AGBL1: variants seen among roughly 807,000 people sequenced by gnomAD.
The protein encoded by AGBL1 is cytosolic carboxypeptidase 4.
A neutral mutation model predicts 118.9 loss-of-function variants in AGBL1; 130 were observed. That is an observed-to-expected ratio of 1.09 (90% CI 0.95 to 1.26). The LOEUF (loss-of-function observed/expected upper bound fraction) is 1.26, where lower values mean the gene tolerates loss of function less well. AGBL1 is among the 50% of genes most tolerant of loss of function. The pLI is 0.00. For missense variants in AGBL1, 1,584 were observed against 1,298.1 expected (o/e 1.22, Z -3.38); for synonymous variants, 555 against 478.9 (o/e 1.16, Z -2.08).
chr15:86,381,692 C>T (rs1407990021), intron 17 of AGBL1, among the ~76,000 whole-genome samples: 1 of 152,166 alleles, frequency 6.6e-6, no homozygotes, highest in South Asian at 2.1e-4. Flanking sequence ...GGGTGAAACA[C>T]GACGTAACCA....
intron 22 of AGBL1, among the ~76,000 whole-genome samples, chr15:86,742,949 G>C (rs2077701130): frequency 6.6e-6 from 1 of 152,082 alleles, no homozygotes; most frequent in Admixed American, 6.6e-5. Flanking sequence ...GATAAATTCT[G>C]TGGACGCTGT....
At chr15:86,804,929 T>C (rs895878122) in intron 22 of AGBL1, among the ~76,000 whole-genome samples, 2 of 151,948 alleles carry the variant, frequency 1.3e-5, no homozygotes, top group African/African-American at 2.4e-5. Context: ...AAAGCTAAGG[T>C]AGGAAAAGTT....
chr15:86,488,492 C>G (rs979626410), intron 18 of AGBL1, among the ~76,000 whole-genome samples: 1 of 151,966 alleles, frequency 6.6e-6, no homozygotes, highest in Non-Finnish European at 1.5e-5. Flanking sequence ...TAAGGTAGTA[C>G]CAGGACATTA....
At chr15:86,815,372 T>C (rs1055165840) in intron 22 of AGBL1, among the ~76,000 whole-genome samples, 1 of 152,338 alleles carries the variant, frequency 6.6e-6, no homozygotes, top group African/African-American at 2.4e-5. Flanking sequence ...CAATTTCTAG[T>C]GTGGTGTTGG....
At chr15:86,534,997 T>C (rs1024028190) in intron 19 of AGBL1, among the ~76,000 whole-genome samples, 1 of 152,154 alleles carries the variant, frequency 6.6e-6, no homozygotes, top group Admixed American at 6.5e-5. Flanking sequence ...ATATTCAGGA[T>C]CTGCGTTTTT....
intron 1 of AGBL1, among the ~76,000 whole-genome samples, chr15:86,126,175 A>G (rs1898417528): frequency 6.6e-6 from 1 of 151,960 alleles, no homozygotes; most frequent in African/African-American, 2.4e-5. Flanking sequence ...TAACTAATTA[A>G]TTTTATAACC....
At chr15:86,273,582 C>T (rs1039117) in intron 15 of AGBL1, among the ~76,000 whole-genome samples, 110,830 of 152,128 alleles carry the variant, frequency 0.73, 41,300 homozygotes, top group African/African-American at 0.88. Context: ...ATATCTCTCT[C>T]CCTATTTACC....
At chr15:86,387,537 G>C (rs992114019) in intron 17 of AGBL1, among the ~76,000 whole-genome samples, 1 of 152,178 alleles carries the variant, frequency 6.6e-6, no homozygotes, top group African/African-American at 2.4e-5. Flanking sequence ...ATATGTTTGA[G>C]AGAGAAGGAA....
At chr15:86,360,761 T>C (rs1317405775) in intron 17 of AGBL1, among the ~76,000 whole-genome samples, 1 of 151,972 alleles carries the variant, frequency 6.6e-6, no homozygotes, top group Non-Finnish European at 1.5e-5. Flanking sequence ...ATTAATTTAG[T>C]TTTGGTAGGT....
At chr15:86,166,760 A>C (rs189279067) in intron 5 of AGBL1, among the ~76,000 whole-genome samples, 1 of 152,260 alleles carries the variant, frequency 6.6e-6, no homozygotes, top group East Asian at 1.9e-4. Context: ...CTGGACAGTG[A>C]GAAGGGTGCT....
At chr15:86,433,069 A>C (rs1398503804) in intron 18 of AGBL1, among the ~76,000 whole-genome samples, 1 of 152,160 alleles carries the variant, frequency 6.6e-6, no homozygotes, top group African/African-American at 2.4e-5. Context: ...TGCTCAAGCC[A>C]GGGCAAGTCT....
chr15:86,516,535 G>A (rs2083123042), intron 18 of AGBL1, among the ~76,000 whole-genome samples: 1 of 152,174 alleles, frequency 6.6e-6, no homozygotes, highest in Non-Finnish European at 1.5e-5. Context: ...TGCGGTGGCT[G>A]ACGCCTGTCA....
chr15:86,223,332 C>T (rs1567137335), intron 5 of AGBL1, among the ~76,000 whole-genome samples: 1 of 152,102 alleles, frequency 6.6e-6, no homozygotes, highest in Non-Finnish European at 1.5e-5. Context: ...TTATTCTATT[C>T]CTGTTTCTGT....
intron 17 of AGBL1, among the ~76,000 whole-genome samples, chr15:86,349,767 T>A (rs2080596824): frequency 6.6e-6 from 1 of 152,186 alleles, no homozygotes; most frequent in Non-Finnish European, 1.5e-5. Context: ...GTAAATCCTG[T>A]CAACTCAGCA....
At chr15:86,865,304 AT>A (rs1175411238) in intron 22 of AGBL1, among the ~76,000 whole-genome samples, 2 of 152,220 alleles carry the variant, frequency 1.3e-5, no homozygotes, top group Non-Finnish European at 2.9e-5. Flanking sequence ...GGTTATTTGA[AT>A]TATCCAAAGT....
rs562427237 is a variant in AGBL1, at chr15:86,389,991, T to G, written c.2375-7375T>G. On this transcript the variant is annotated intron_variant, in intron 17 of 22. Transcript: ENST00000614907. ...TAAGATAAAACAGTGCTAGACTAAA[T>G]AAAATACAATATACAACCATATGGT... Among the ~76,000 whole-genome samples the G allele has an allele frequency of 1.6e-3, 237 of 152,200 alleles. 7 individuals are homozygous for G. The South Asian group carries it at 0.047, about 30-fold the overall frequency.
intron 17 of AGBL1, among the ~76,000 whole-genome samples, chr15:86,322,810 T>G (rs1457256321): frequency 6.6e-6 from 1 of 152,222 alleles, no homozygotes; most frequent in Non-Finnish European, 1.5e-5. Flanking sequence ...AGCTTGGGGA[T>G]ATACATGGAT....
At chr15:86,893,367 C>A (rs1201246022) in intron 22 of AGBL1, among the ~76,000 whole-genome samples, 1 of 152,130 alleles carries the variant, frequency 6.6e-6, no homozygotes, top group Non-Finnish European at 1.5e-5. Context: ...CGCAAAACTG[C>A]GTTTAAATCA....
chr15:86,265,917 C>T (rs2142038878), intron 11 of AGBL1, among the ~76,000 whole-genome samples: 1 of 152,284 alleles, frequency 6.6e-6, no homozygotes, highest in African/African-American at 2.4e-5. Flanking sequence ...CCTACCGGAG[C>T]AGACAGAGCC....
Sources: allele counts gnomAD v4.1 joint callset (sites outside exome capture counted in the v4.1 genomes callset), GRCh38; gene constraint gnomAD v4.1.1; transcripts MANE v1.5; gene names NCBI Gene and HGNC (gene_info 2026-07-23, HGNC 2026-07-21).